PTK7: variants seen among roughly 807,000 people sequenced by gnomAD.
PTK7 encodes the protein inactive tyrosine-protein kinase 7.
In PTK7, 39 loss-of-function variants were observed where a neutral mutation model predicts 116.6. The ratio of observed to expected loss-of-function variants is 0.33; its 90% CI spans 0.26 to 0.44. The LOEUF (loss-of-function observed/expected upper bound fraction) is 0.44. Ranked by LOEUF, PTK7 falls within the 20% of genes least tolerant of loss-of-function variation. The pLI is 1.00. For missense variants in PTK7, 1,169 were observed against 1,425.6 expected (o/e 0.82, Z 2.90); for synonymous variants, 546 against 563.6 (o/e 0.97, Z 0.44).
At position 43,115,281 on chromosome 6, in the gene PTK7, A is replaced by C. The variant is rs530809375; in HGVS notation, c.80-13696A>C. ...AGTAATGTAGTTAAGAGATTAAATA[A>C]AATTAATGCATTAAAATATACATTA... On this transcript the variant is annotated intron_variant, in intron 1 of 19. Transcript: ENST00000230419. Among the ~76,000 whole-genome samples, 4 of 152,298 alleles carry C rather than the reference A, an allele frequency of 2.6e-5. No individual in the cohort carries two copies. In the East Asian group the frequency reaches 7.7e-4, roughly 29 times the overall value.
At chr6:43,132,848 G>C (rs1769781429) in intron 7 of PTK7, 161 bp downstream of exon 7, 1 of 1,026,628 alleles carries the variant, frequency 9.7e-7, no homozygotes, top group South Asian at 1.4e-5. Context: ...AGACAGTAGA[G>C]AGCCAGGCAC....
At position 43,076,705 on chromosome 6, in the gene PTK7, T is replaced by G; in HGVS notation, c.79+138T>G. The G allele has an allele frequency of 7.2e-7, 1 of 1,384,060 alleles. No homozygotes were observed. Among genetic ancestry groups the G allele is most frequent in the Non-Finnish European group, 9.5e-7 (1 of 1,052,368 alleles). The allele number at this position is 1,384,060 out of a possible 1,614,324, so 85.7% of individuals were successfully genotyped here. A position where few individuals can be genotyped will look rare whatever the true frequency, so the allele number is the denominator to read the frequency against. ...GAGAGGCTCGCTGGGGGTGCAGGCTTGCGGCGGAAGGGCGCAAGGAGCCCG... is the reference window on the plus strand; with the variant it reads ...GAGAGGCTCGCTGGGGGTGCAGGCTGGCGGCGGAAGGGCGCAAGGAGCCCG... On this transcript the variant is annotated intron_variant, in intron 1 of 19. Transcript: ENST00000230419. This position sits in a 1 kb window ranked among gnomAD's most constrained non-coding sequence, Gnocchi z 5.7.
At chr6:43,077,435 C>T (rs919126892) in intron 1 of PTK7, among the ~76,000 whole-genome samples, 1 of 151,804 alleles carries the variant, frequency 6.6e-6, no homozygotes, top group East Asian at 1.9e-4. Context: ...TGGGGGGGGG[C>T]CTTAGCATTT....
At chr6:43,140,468 A>T (rs548239803) in intron 10 of PTK7, among the ~76,000 whole-genome samples, 27 of 152,094 alleles carry the variant, frequency 1.8e-4, no homozygotes, top group Admixed American at 9.2e-4. Context: ...AAAAAAAAAA[A>T]ATATTGGGAG....
chr6:43,100,244 G>A (rs989511014), intron 1 of PTK7, among the ~76,000 whole-genome samples: 1 of 152,084 alleles, frequency 6.6e-6, no homozygotes, highest in African/African-American at 2.4e-5. Context: ...TTAGCTGGGC[G>A]TGGTGGCGGG....
chr6:43,159,508 A>G (rs1019897929), intron 18 of PTK7: 1 of 489,218 alleles, frequency 2.0e-6, no homozygotes. Context: ...TTTTACAACC[A>G]ATATAGAAAG....
At chr6:43,138,257 C>T (rs1052739386) in intron 7 of PTK7, among the ~76,000 whole-genome samples, 4 of 151,876 alleles carry the variant, frequency 2.6e-5, no homozygotes, top group African/African-American at 4.8e-5. Context: ...GCAGCCCTCC[C>T]GCCTCGGCCT....
At chr6:43,155,887 A>G (rs1771396764) in intron 17 of PTK7, among the ~76,000 whole-genome samples, 1 of 152,146 alleles carries the variant, frequency 6.6e-6, no homozygotes, top group Admixed American at 6.5e-5. Context: ...GTTCATAATA[A>G]CGCTGTTCTT....
In PTK7 at chr6:43,076,925, C is replaced by T; in HGVS notation, c.79+358C>T. 6.6e-7 allele frequency: 1 copy of T among 1,515,576 alleles called. No individual in the cohort carries two copies. 93.9% of individuals were successfully genotyped at this position (1,515,576 alleles called of 1,614,324 possible). A position where few individuals can be genotyped will look rare whatever the true frequency, so the allele number is the denominator to read the frequency against. ...CGGGGGAGAAAAGACCATCCGCACCCACCGTGGGGAGCGCGATGGAGAAAA... is the reference window on the plus strand; with the variant it reads ...CGGGGGAGAAAAGACCATCCGCACCTACCGTGGGGAGCGCGATGGAGAAAA... On this transcript the variant is annotated intron_variant, in intron 1 of 19. Transcript: ENST00000230419. This position sits in a 1 kb window ranked among gnomAD's most constrained non-coding sequence, Gnocchi z 5.7.
At chr6:43,082,618 G>A (rs1250888186) in intron 1 of PTK7, among the ~76,000 whole-genome samples, 2 of 152,222 alleles carry the variant, frequency 1.3e-5, no homozygotes, top group Non-Finnish European at 2.9e-5. Context: ...CTGAGATGCT[G>A]CACAGTATTT....
intron 10 of PTK7, among the ~76,000 whole-genome samples, chr6:43,140,558 T>C (rs1268198206): frequency 6.6e-6 from 1 of 152,070 alleles, no homozygotes; most frequent in Non-Finnish European, 1.5e-5. Flanking sequence ...TTTTTTTACC[T>C]AGCAGTTTTA....
Position 43,146,647 on chromosome 6 carries a change from C to T in PTK7, c.2670C>T (p.Ser890=). ...ACCTCAAGCAGTTCCTGAGGATTTC[C>T]AAGAGCAAGGATGAAAAATTGAAGT... The part of the protein sequence containing the change: ...LGDLKQFLRI[S]KSKDEKLKSQ... The change falls in exon 17 of 20, where the codon TCC becomes TCT. Residue 890 remains serine, a synonymous_variant. Coordinates refer to ENST00000230419, the MANE Select transcript of PTK7 (RefSeq NM_002821.5). The T allele has an allele frequency of 6.2e-7, 1 of 1,613,494 alleles. No individual in the cohort carries two copies. Among genetic ancestry groups the T allele is most frequent in the Non-Finnish European group, 8.5e-7 (1 of 1,179,940 alleles).
In PTK7 at chr6:43,143,573, TGCAGAAGCAGCCCGAGG is replaced by T; in HGVS notation, c.2207_2223del (p.Gln736ArgfsTer46). 6.2e-7 allele frequency: 1 copy of T among 1,613,512 alleles called. No homozygotes were observed. On this transcript the variant is annotated frameshift_variant, in exon 14 of 20. Transcript: ENST00000230419. LOFTEE classifies it high-confidence loss of function. This position sits in a 1 kb window ranked among gnomAD's most constrained non-coding sequence, Gnocchi z 4.2. ...AAGAAGCGCTGCAAAGCCAAGCGGC[TGCAGAAGCAGCCCGAGG>T]GCGAGGAGCCAGAGATGGAATGCCT... is the stretch of plus-strand genomic sequence containing the variant.
At chr6:43,077,786 T>A (rs1263952400) in intron 1 of PTK7, among the ~76,000 whole-genome samples, 1 of 152,230 alleles carries the variant, frequency 6.6e-6, no homozygotes, top group African/African-American at 2.4e-5. Context: ...GCCTGCCAGC[T>A]GTGGAGGGGT....
Position 43,159,814 on chromosome 6 carries a change from G to GGGTGCC in PTK7, c.2902_2907dup (p.Val968_Pro969dup), listed in dbSNP as rs1217192239. The GGGTGCC allele has an allele frequency of 6.2e-7, 1 of 1,614,200 alleles. No individual in the cohort carries two copies. The highest frequency in any genetic ancestry group is 1.7e-5 in the Admixed American group (1 of 60,026). On this transcript the variant is annotated inframe_insertion, in exon 19 of 20. Transcript: ENST00000230419. Reference sequence around the variant, plus strand: ...GAGTACTACCACTTCCGCCAGGCCTGGGTGCCGCTGCGCTGGATGTCCCCC... The same window carrying GGGTGCC: ...GAGTACTACCACTTCCGCCAGGCCTGGGTGCCGGTGCCGCTGCGCTGGATGTCCCCC...
chr6:43,124,615 G>T (rs766118299), intron 1 of PTK7, among the ~76,000 whole-genome samples: 1 of 152,068 alleles, frequency 6.6e-6, no homozygotes, highest in Non-Finnish European at 1.5e-5. Flanking sequence ...GGTCAAGGCT[G>T]CAGTGAGCCG....
At position 43,145,584 on chromosome 6, in the gene PTK7, T is replaced by C. The variant is rs936965086; in HGVS notation, c.2640+152T>C. The C allele has an allele frequency of 1.2e-5, 6 of 505,344 alleles. No homozygotes were observed. The highest frequency in any genetic ancestry group is 2.0e-5 in the Non-Finnish European group (6 of 300,608). 31.3% of individuals were successfully genotyped at this position (505,344 alleles called of 1,614,324 possible). ...CTGCTGTTACACTTTGCCCACCTTA[T>C]GATGCTCAGCTTCTGCCTTCCCTGC... is the stretch of plus-strand genomic sequence containing the variant. On this transcript the variant is annotated intron_variant, in intron 16 of 19. Coordinates refer to ENST00000230419, the MANE Select transcript of PTK7 (RefSeq NM_002821.5). This position sits in a 1 kb window ranked among gnomAD's most constrained non-coding sequence, Gnocchi z 4.8.
rs949832228 is a variant in PTK7 at position 43,132,865 on chromosome 6, T to C, written c.1228+178T>C. 8.2e-6 allele frequency: 7 copies of C among 854,072 alleles called. No homozygotes were observed. In the African/African-American group the frequency reaches 1.0e-4, roughly 12 times the overall value. 52.9% of individuals were successfully genotyped at this position (854,072 alleles called of 1,614,324 possible). On this transcript the variant is annotated intron_variant, in intron 7 of 19. Transcript: ENST00000230419. ...ACAGTAGAGAGCCAGGCACAGGGGT[T>C]AGGGTGGGTGCTCCAGAGGAAATAG...
chr6:43,131,762 G>C, intron 5 of PTK7: 1 of 534,872 alleles, frequency 1.9e-6, no homozygotes, highest in Non-Finnish European at 3.4e-6. Context: ...ACTCTCTCTC[G>C]CACCTGCATT....
Sources: gnomAD v4.1 joint callset for allele counts (sites outside exome capture counted in the v4.1 genomes callset) on GRCh38, gnomAD v4.1.1 for gene constraint, Gnocchi (gnomAD v3.1) non-coding constraint, MANE v1.5 for transcripts, NCBI Gene and HGNC (gene_info 2026-07-23, HGNC 2026-07-21) for gene names.